DARS1: variants seen among roughly 807,000 people sequenced by gnomAD.
DARS1 encodes the protein aspartyl-tRNA synthetase 1.
A neutral mutation model predicts 68.8 loss-of-function variants in DARS1; 51 were observed. The observed-to-expected ratio is 0.74, with a 90% CI of 0.59 to 0.94. DARS1 has a LOEUF of 0.94. Among genes scored for constraint, DARS1 ranks in the 40% least tolerant of loss-of-function variants. The pLI, the probability that DARS1 is intolerant of heterozygous loss-of-function variation, is 0.00. For missense variants in DARS1, 607 were observed against 597.3 expected, an observed-to-expected ratio of 1.02 and a Z score of -0.17; for synonymous variants, 203 against 190.4, an observed-to-expected ratio of 1.07 and a Z score of -0.55.
At chr2:135,972,831 C>T (rs1374653816) in intron 3 of DARS1, among the ~76,000 whole-genome samples, 2 of 152,316 alleles carry the variant, frequency 1.3e-5, no homozygotes, top group Non-Finnish European at 2.9e-5. Flanking sequence ...AAGTGCTCAT[C>T]ATCACTGATC....
rs1012108944 is a variant in DARS1 at position 135,952,569 on chromosome 2, C to T, written c.320+8827G>A. On this transcript the variant is annotated intron_variant, in intron 4 of 15. Coordinates refer to ENST00000264161, the MANE Select transcript of DARS1 (RefSeq NM_001349.4). ...CAATCTCTCCCTCATCCCCCTCTGC[C>T]CCCCACCAACTATTCTCTCTACATC... Among the ~76,000 whole-genome samples the T allele has an allele frequency of 2.6e-5, 4 of 152,124 alleles. No homozygotes were observed. In the South Asian group the frequency reaches 8.3e-4, roughly 32 times the overall value.
rs1389360780 is a variant in DARS1 at position 135,943,399 on chromosome 2, G to C, written c.402C>G (p.Asp134Glu). 1 of 1,612,834 alleles carries C rather than the reference G, an allele frequency of 6.2e-7. No homozygotes were observed. Among genetic ancestry groups the C allele is most frequent in the Admixed American group, 1.7e-5 (1 of 59,890 alleles). The change falls in exon 5 of 16, where the codon GAC becomes GAG. Residue 134 changes from aspartate to glutamate, a missense_variant. Transcript: ENST00000264161. ...NQKIGSCTQQ[D>E]VELHVQKIYV... ...TTACCTTCTGAACATGTAACTCAAC[G>C]TCTTGCTGTGTACAGCTTCCAATTT...
At chr2:135,947,171 C>CG (rs1378864252) in intron 4 of DARS1, among the ~76,000 whole-genome samples, 1 of 151,380 alleles carries the variant, frequency 6.6e-6, no homozygotes, top group Non-Finnish European at 1.5e-5. Context: ...TCTGGGAGGT[C>CG]GGGGTGGGTG....
rs776915292 is a variant in DARS1 at position 135,907,434 on chromosome 2, T to C, written c.1415-27A>G. 4 of 1,519,006 alleles carry C rather than the reference T, an allele frequency of 2.6e-6. No homozygotes were observed. In the South Asian group the frequency reaches 3.4e-5, roughly 13 times the overall value. 94.1% of individuals were successfully genotyped at this position (1,519,006 alleles called of 1,614,324 possible). On this transcript the variant is annotated intron_variant, in intron 15 of 15. Transcript: ENST00000264161. ...TGGGGAAGACAAAAATAATCATTAA[T>C]TCCTTTTTGAAAATCTCTCAGGGTC...
At chr2:135,979,485 C>T in intron 2 of DARS1, 119 bp from the exon 3 acceptor site, 1 of 626,060 alleles carries the variant, frequency 1.6e-6, no homozygotes, top group South Asian at 2.1e-5. Flanking sequence ...CTGAATAATT[C>T]TCAATCTTTG....
chr2:135,970,316 A>C lies in DARS1; in HGVS notation c.218-8818T>G, dbSNP rs966802114. Among the ~76,000 whole-genome samples, 6 of 151,626 alleles carry C rather than the reference A, an allele frequency of 4.0e-5. No individual in the cohort carries two copies. The East Asian group carries it at 1.2e-3, about 29-fold the overall frequency. On this transcript the variant is annotated intron_variant, in intron 3 of 15. Transcript: ENST00000264161. ...TCTTCTTGGACCACAACAGAATAAC[A>C]CTACAAATCAATAATGAGAAATTCT...
chr2:135,961,650 A>G (rs538541267), intron 3 of DARS1, 152 bp from the exon 4 acceptor site: 78 of 515,232 alleles, frequency 1.5e-4, no homozygotes, highest in Admixed American at 2.4e-4. Flanking sequence ...TGGCTTCCAC[A>G]GACAAAATAC....
intron 12 of DARS1, among the ~76,000 whole-genome samples, chr2:135,913,727 C>A (rs1680944579): frequency 6.6e-6 from 1 of 151,258 alleles, no homozygotes; most frequent in Admixed American, 6.6e-5. Flanking sequence ...CATTGCACTC[C>A]AGCCTGGGCA....
intron 12 of DARS1, among the ~76,000 whole-genome samples, chr2:135,913,834 T>C (rs1357558673): frequency 7.2e-5 from 11 of 152,182 alleles, no homozygotes; most frequent in Admixed American, 3.3e-4. Context: ...AGGATGTTAA[T>C]AGCTGACAAA....
chr2:135,907,238 C>CTTTT lies in DARS1; in HGVS notation c.*77_*78insAAAA, dbSNP rs869183598. 83 of 725,316 alleles carry CTTTT rather than the reference C, an allele frequency of 1.1e-4. 1 individual carries two copies. The highest frequency in any genetic ancestry group is 8.3e-4 in the South Asian group (39 of 47,052). The allele number at this position is 725,316 out of a possible 1,614,324, so 44.9% of individuals were successfully genotyped here. On this transcript the variant is annotated 3_prime_UTR_variant, in exon 16 of 16. Coordinates refer to ENST00000264161, the MANE Select transcript of DARS1 (RefSeq NM_001349.4). ...AGGTTACTGAAAAGAATAAGTGTGGCTTTCTTTTTTTTTTTTTTTTTTTGA... is the reference window on the plus strand; with the variant it reads ...AGGTTACTGAAAAGAATAAGTGTGGCTTTTTTTCTTTTTTTTTTTTTTTTTTTGA...
At chr2:135,918,406 A>G (rs570905018) in intron 10 of DARS1, among the ~76,000 whole-genome samples, 2 of 152,218 alleles carry the variant, frequency 1.3e-5, no homozygotes, top group African/African-American at 2.4e-5. Flanking sequence ...ATACATTTGT[A>G]TATGTATTTT....
intron 4 of DARS1, among the ~76,000 whole-genome samples, chr2:135,950,698 A>G (rs2104825088): frequency 6.6e-6 from 1 of 152,372 alleles, no homozygotes; most frequent in Non-Finnish European, 1.5e-5. Flanking sequence ...TGAAGAGGTC[A>G]GTGAAACAAC....
At chr2:135,917,627 C>A (rs897385956) in intron 10 of DARS1, among the ~76,000 whole-genome samples, 1 of 151,986 alleles carries the variant, frequency 6.6e-6, no homozygotes, top group African/African-American at 2.4e-5. Context: ...CAGGTATGTG[C>A]CACTATGACC....
At chr2:135,973,488 ATGAG>A (rs907940247) in intron 3 of DARS1, among the ~76,000 whole-genome samples, 5 of 152,064 alleles carry the variant, frequency 3.3e-5, no homozygotes, top group African/African-American at 1.2e-4. Flanking sequence ...AAAAAAAAGA[ATGAG>A]TAAGACCTAG....
chr2:135,932,967 C>G, intron 6 of DARS1, 125 bp from the exon 7 acceptor site: 2 of 556,260 alleles, frequency 3.6e-6, no homozygotes, highest in Non-Finnish European at 6.2e-6. Context: ...AATATTATGC[C>G]CGAAAATCAG....
intron 7 of DARS1, among the ~76,000 whole-genome samples, chr2:135,931,405 T>A (rs1471225171): frequency 6.6e-6 from 1 of 152,094 alleles, no homozygotes; most frequent in Non-Finnish European, 1.5e-5. Flanking sequence ...CTTGGCTAAT[T>A]TTTAAATTTT....
chr2:135,950,883 T>C (rs1188098360), intron 4 of DARS1, among the ~76,000 whole-genome samples: 1 of 152,000 alleles, frequency 6.6e-6, no homozygotes, highest in Non-Finnish European at 1.5e-5. Context: ...TGTAGGGTGT[T>C]TGTGGGGCAA....
intron 3 of DARS1, among the ~76,000 whole-genome samples, chr2:135,974,350 C>T (rs1025055842): frequency 2.6e-5 from 4 of 152,082 alleles, no homozygotes; most frequent in Admixed American, 6.6e-5. Context: ...ATGCAGTCCA[C>T]GAATAATGAG....
intron 4 of DARS1, among the ~76,000 whole-genome samples, chr2:135,951,547 T>A (rs924718213): frequency 3.9e-5 from 6 of 152,270 alleles, no homozygotes; most frequent in Non-Finnish European, 7.3e-5. Context: ...AAAATGTGAA[T>A]TTGTTTCAAC....
Sources: allele counts gnomAD v4.1 joint callset (sites outside exome capture counted in the v4.1 genomes callset), GRCh38; gene constraint gnomAD v4.1.1; transcripts MANE v1.5; gene names NCBI Gene and HGNC (gene_info 2026-07-23, HGNC 2026-07-21).